The following KCNIP4 variants were observed in gnomAD, a reference collection of about 807,000 sequenced individuals.
KCNIP4 encodes the protein potassium voltage-gated channel interacting protein 4.
A neutral mutation model predicts 34.0 loss-of-function variants in KCNIP4; 12 were observed. The ratio of observed to expected loss-of-function variants is 0.35; its 90% CI spans 0.23 to 0.57. The LOEUF is 0.57. KCNIP4 is among the 20% of genes least tolerant of loss of function. The pLI, the probability that KCNIP4 is intolerant of heterozygous loss-of-function variation, is 0.83. For missense variants in KCNIP4, 238 were observed against 311.7 expected (o/e 0.76, Z 1.78); for synonymous variants, 124 against 102.2 (o/e 1.21, Z -1.29).
intron 1 of KCNIP4, among the ~76,000 whole-genome samples, chr4:21,712,443 T>C (rs1713805182): frequency 6.6e-6 from 1 of 152,208 alleles, no homozygotes; most frequent in Non-Finnish European, 1.5e-5. Context: ...GCCTGAGAAG[T>C]ATCTTTTCAA....
chr4:21,496,240 GA>G (rs1732840319), intron 1 of KCNIP4, among the ~76,000 whole-genome samples: 1 of 152,032 alleles, frequency 6.6e-6, no homozygotes, highest in Admixed American at 6.6e-5. Flanking sequence ...AGAAAGAAGA[GA>G]AAACCTGAGT....
chr4:21,522,233 G>C (rs1393220822), intron 1 of KCNIP4, among the ~76,000 whole-genome samples: 1 of 151,244 alleles, frequency 6.6e-6, no homozygotes, highest in Non-Finnish European at 1.5e-5. Context: ...AGAGACTCCA[G>C]GAAAAAAAAA....
chr4:21,426,253 G>A (rs1725922314), intron 1 of KCNIP4, among the ~76,000 whole-genome samples: 2 of 152,172 alleles, frequency 1.3e-5, no homozygotes, highest in South Asian at 2.1e-4. Context: ...AGAAACCAGA[G>A]TAGTTTAGTG....
intron 1 of KCNIP4, among the ~76,000 whole-genome samples, chr4:21,932,451 C>G (rs555593483): frequency 4.0e-4 from 61 of 152,054 alleles, no homozygotes; most frequent in Non-Finnish European, 6.5e-4. Context: ...TGTTAGCAAA[C>G]AGATAAATAT....
At chr4:20,744,509 T>G (rs1190516846) in intron 5 of KCNIP4, among the ~76,000 whole-genome samples, 3 of 151,394 alleles carry the variant, frequency 2.0e-5, no homozygotes, top group African/African-American at 7.3e-5. Context: ...CAGCAAACTA[T>G]CGCAAGGACA....
chr4:21,264,435 C>T (rs981894881), intron 1 of KCNIP4, among the ~76,000 whole-genome samples: 6 of 152,056 alleles, frequency 3.9e-5, no homozygotes, highest in Non-Finnish European at 7.4e-5. Context: ...TGGTTAGGAA[C>T]GTGATGTAGA....
chr4:21,000,796 G>A (rs1738062781), intron 1 of KCNIP4, among the ~76,000 whole-genome samples: 1 of 152,076 alleles, frequency 6.6e-6, no homozygotes, highest in Non-Finnish European at 1.5e-5. Context: ...TCCAGCTACA[G>A]CGGTCTCCAC....
At chr4:21,872,667 A>G (rs755926005) in intron 1 of KCNIP4, among the ~76,000 whole-genome samples, 52 of 152,314 alleles carry the variant, frequency 3.4e-4, no homozygotes, top group Non-Finnish European at 5.4e-4. Context: ...CCATGAATGT[A>G]TTTCACTCTT....
At chr4:21,471,771 A>G (rs1044935882) in intron 1 of KCNIP4, among the ~76,000 whole-genome samples, 1 of 152,180 alleles carries the variant, frequency 6.6e-6, no homozygotes, top group Non-Finnish European at 1.5e-5. Context: ...GGCAAGATTC[A>G]AAAAGAATTC....
intron 3 of KCNIP4, among the ~76,000 whole-genome samples, chr4:20,814,679 G>A (rs910644775): frequency 1.3e-5 from 2 of 152,076 alleles, no homozygotes; most frequent in African/African-American, 4.8e-5. Context: ...GTACACTAGG[G>A]GATATTAGAG....
intron 1 of KCNIP4, among the ~76,000 whole-genome samples, chr4:21,821,989 G>C (rs1375703634): frequency 6.6e-6 from 1 of 152,018 alleles, no homozygotes; most frequent in Non-Finnish European, 1.5e-5. Flanking sequence ...AAGCGCTAAA[G>C]CTAATGTTTA....
At chr4:21,909,728 T>C (rs1417063673) in intron 1 of KCNIP4, among the ~76,000 whole-genome samples, 1 of 152,100 alleles carries the variant, frequency 6.6e-6, no homozygotes, top group Non-Finnish European at 1.5e-5. Context: ...AGAGGTTTAA[T>C]GAATTCACAG....
At chr4:21,501,246 T>TCACACACACACACA (rs1309846168) in intron 1 of KCNIP4, among the ~76,000 whole-genome samples, 9 of 93,436 alleles carry the variant, frequency 9.6e-5, no homozygotes, top group African/African-American at 2.5e-4. Flanking sequence ...TCTCTCTCTC[T>TCACACACACACACA]CTCACACACA....
intron 1 of KCNIP4, among the ~76,000 whole-genome samples, chr4:21,366,221 A>G (rs1719746839): frequency 6.6e-6 from 1 of 152,188 alleles, no homozygotes; most frequent in Admixed American, 6.5e-5. Flanking sequence ...CTGCAAAGAT[A>G]TAGCTATTAC....
At chr4:21,009,088 A>G (rs963313514) in intron 1 of KCNIP4, among the ~76,000 whole-genome samples, 1 of 152,206 alleles carries the variant, frequency 6.6e-6, no homozygotes, top group Admixed American at 6.5e-5. Flanking sequence ...AGTGAGCTAA[A>G]TTGCTCATTG....
chr4:21,346,825 A>G (rs2109362818), intron 1 of KCNIP4, among the ~76,000 whole-genome samples: 1 of 152,214 alleles, frequency 6.6e-6, no homozygotes, highest in Non-Finnish European at 1.5e-5. Flanking sequence ...AATTTAAGAG[A>G]GCAACTGTAG....
intron 1 of KCNIP4, among the ~76,000 whole-genome samples, chr4:21,195,301 C>A (rs1755975989): frequency 6.6e-6 from 1 of 152,150 alleles, no homozygotes; most frequent in African/African-American, 2.4e-5. Context: ...CAATGCAATT[C>A]AATTGGGAAT....
intron 1 of KCNIP4, among the ~76,000 whole-genome samples, chr4:21,889,475 A>G (rs764281586): frequency 1.3e-5 from 2 of 152,100 alleles, no homozygotes; most frequent in Non-Finnish European, 2.9e-5. Flanking sequence ...AAGGCATTGC[A>G]TTAGGTACTC....
intron 3 of KCNIP4, among the ~76,000 whole-genome samples, chr4:20,787,904 T>G (rs1039142112): frequency 6.6e-6 from 1 of 152,174 alleles, no homozygotes; most frequent in Non-Finnish European, 1.5e-5. Flanking sequence ...TTCTTACTTA[T>G]GAAGGTTTTT....
Sources: gnomAD v4.1 joint callset for allele counts (sites outside exome capture counted in the v4.1 genomes callset) on GRCh38, gnomAD v4.1.1 for gene constraint, MANE v1.5 for transcripts, NCBI Gene and HGNC (gene_info 2026-07-23, HGNC 2026-07-21) for gene names.